Variants in ELMO1 observed in about 807,000 individuals in gnomAD.
ELMO1 encodes the protein engulfment and cell motility 1.
Under a neutral mutation model 98.9 loss-of-function variants are expected in ELMO1, and 26 were observed. The observed-to-expected ratio is 0.26, with a 90% confidence interval of 0.19 to 0.36. The LOEUF is 0.36. ELMO1 is among the 10% of genes least tolerant of loss of function. The probability of loss-of-function intolerance (pLI) is 1.00; values close to 1 mark genes in which losing one functional copy is unlikely to be tolerated. For synonymous variants in ELMO1, 346 were observed against 346.0 expected, an observed-to-expected ratio of 1.00 and a Z score of 0.00; for missense variants, 627 against 935.2, an observed-to-expected ratio of 0.67 and a Z score of 4.30.
chr7:37,158,599 A>G (rs1373189295), intron 13 of ELMO1, among the ~76,000 whole-genome samples: 1 of 152,230 alleles, frequency 6.6e-6, no homozygotes, highest in African/African-American at 2.4e-5. Context: ...CAAAACCACA[A>G]TGAGATACCA....
intron 7 of ELMO1, among the ~76,000 whole-genome samples, chr7:37,241,778 C>T (rs1794776712): frequency 6.6e-6 from 1 of 152,226 alleles, no homozygotes; most frequent in Admixed American, 6.5e-5. Context: ...TGCTCTTATA[C>T]CTCCATCCTT....
chr7:36,880,772 T>G (rs899708912), intron 18 of ELMO1, among the ~76,000 whole-genome samples: 1 of 152,220 alleles, frequency 6.6e-6, no homozygotes, highest in African/African-American at 2.4e-5. Flanking sequence ...TGCAGAAATC[T>G]CTTGTGCAAC....
At chr7:36,937,130 C>T (rs1786603724) in intron 16 of ELMO1, among the ~76,000 whole-genome samples, 1 of 152,108 alleles carries the variant, frequency 6.6e-6, no homozygotes, top group African/African-American at 2.4e-5. Context: ...ATTTTGCTCC[C>T]CCCAAAAGAT....
chr7:37,180,830 AC>A (rs1670238113), intron 13 of ELMO1, among the ~76,000 whole-genome samples: 2 of 151,848 alleles, frequency 1.3e-5, no homozygotes, highest in Non-Finnish European at 2.9e-5. Context: ...ACACACACAC[AC>A]ATGCACACGC....
intron 4 of ELMO1, among the ~76,000 whole-genome samples, chr7:37,295,077 C>A (rs1797964197): frequency 6.6e-6 from 1 of 151,880 alleles, no homozygotes; most frequent in Non-Finnish European, 1.5e-5. Flanking sequence ...AGTAGGATAT[C>A]AATGCTTTAA....
At chr7:37,409,220 A>C (rs1803899095) in intron 1 of ELMO1, among the ~76,000 whole-genome samples, 2 of 152,252 alleles carry the variant, frequency 1.3e-5, no homozygotes, top group African/African-American at 4.8e-5. Context: ...CCTTACTTTG[A>C]ACTAATGCTG....
At chr7:37,398,741 G>A (rs1360437425) in intron 1 of ELMO1, among the ~76,000 whole-genome samples, 1 of 152,140 alleles carries the variant, frequency 6.6e-6, no homozygotes, top group Non-Finnish European at 1.5e-5. Flanking sequence ...TGGAGAGAAG[G>A]ATAACTTCAG....
At chr7:36,933,857 G>A (rs902368661) in intron 16 of ELMO1, among the ~76,000 whole-genome samples, 9 of 152,186 alleles carry the variant, frequency 5.9e-5, no homozygotes, top group African/African-American at 9.7e-5. Context: ...GGCTCACCTC[G>A]GAGTATCAAG....
At chr7:37,086,476 C>T (rs1783784256) in intron 15 of ELMO1, among the ~76,000 whole-genome samples, 1 of 151,830 alleles carries the variant, frequency 6.6e-6, no homozygotes, top group African/African-American at 2.4e-5. Context: ...GGCGCAGTGG[C>T]TCACACCTGT....
At chr7:37,034,827 C>T (rs1795089669) in intron 15 of ELMO1, among the ~76,000 whole-genome samples, 1 of 152,162 alleles carries the variant, frequency 6.6e-6, no homozygotes, top group East Asian at 1.9e-4. Flanking sequence ...AAGGTACTTC[C>T]TGACTTCAGG....
intron 16 of ELMO1, among the ~76,000 whole-genome samples, chr7:36,932,300 C>T (rs1406962100): frequency 6.6e-6 from 1 of 152,134 alleles, no homozygotes. Flanking sequence ...AAATGAAAAT[C>T]AATTCAGGAC....
rs149883537 is a variant in ELMO1 at position 37,436,278 on chromosome 7, C to T, written c.-74+12397G>A. On this transcript the variant is annotated intron_variant, in intron 1 of 21. Coordinates refer to ENST00000310758, the MANE Select transcript of ELMO1 (RefSeq NM_014800.11). ...CCAATCCTGATATATAGAAAAGAGG[C>T]GTTGCTACACAGCGGACACTGTAGT... Among the ~76,000 whole-genome samples, 45 of 152,256 alleles carry T rather than the reference C, an allele frequency of 3.0e-4. 1 individual carries two copies. The East Asian group carries it at 7.1e-3, about 24-fold the overall frequency.
In ELMO1 at chr7:37,001,667, A is replaced by G. The variant is rs146332722; in HGVS notation, c.1437+11632T>C. Among the ~76,000 whole-genome samples, 385 of 152,342 alleles carry G rather than the reference A, an allele frequency of 2.5e-3. 2 individuals carry two copies. The Middle Eastern group carries it at 0.037, about 15-fold the overall frequency. ...TGGCACTTGTGCAAAATCCTAAAGG[A>G]TAAGTGAAATTTCAACAGGTAAATG... On this transcript the variant is annotated intron_variant, in intron 16 of 21. Coordinates refer to ENST00000310758, the MANE Select transcript of ELMO1 (RefSeq NM_014800.11).
At chr7:37,223,952 T>C (rs1394733130) in intron 9 of ELMO1, among the ~76,000 whole-genome samples, 6 of 140,748 alleles carry the variant, frequency 4.3e-5, no homozygotes, top group Non-Finnish European at 8.0e-5. Context: ...TCTTGAGAAT[T>C]TGTAATTGTG....
intron 16 of ELMO1, among the ~76,000 whole-genome samples, chr7:36,898,867 CT>C (rs1806258360): frequency 6.6e-6 from 1 of 152,202 alleles, no homozygotes; most frequent in Non-Finnish European, 1.5e-5. Context: ...ACATACTTGC[CT>C]CACCCAAGGG....
chr7:36,892,709 A>C (rs1368100274), intron 17 of ELMO1, among the ~76,000 whole-genome samples: 1 of 152,172 alleles, frequency 6.6e-6, no homozygotes, highest in Non-Finnish European at 1.5e-5. Context: ...AATAGGCAAA[A>C]CATATCGCAG....
intron 1 of ELMO1, among the ~76,000 whole-genome samples, chr7:37,378,956 T>C (rs1056397530): frequency 1.3e-4 from 20 of 152,250 alleles, no homozygotes; most frequent in Admixed American, 1.2e-3. Context: ...CTGTAAAATA[T>C]CTTATTACTT....
At chr7:37,241,685 T>C (rs1584860579) in intron 7 of ELMO1, among the ~76,000 whole-genome samples, 1 of 152,180 alleles carries the variant, frequency 6.6e-6, no homozygotes, top group East Asian at 1.9e-4. Context: ...GTTGTGACTC[T>C]GTGTATTACA....
chr7:37,086,083 C>T (rs1421529994), intron 15 of ELMO1, among the ~76,000 whole-genome samples: 1 of 152,178 alleles, frequency 6.6e-6, no homozygotes, highest in East Asian at 1.9e-4. Context: ...AGCAGAGGTG[C>T]TCAGCCAGGC....
Sources: gnomAD v4.1 joint callset for allele counts (sites outside exome capture counted in the v4.1 genomes callset) on GRCh38, gnomAD v4.1.1 for gene constraint, MANE v1.5 for transcripts, NCBI Gene and HGNC (gene_info 2026-07-23, HGNC 2026-07-21) for gene names.